The following ADAMTS17 variants were observed in gnomAD, a reference collection of about 807,000 sequenced individuals.
ADAMTS17 encodes the protein A disintegrin and metalloproteinase with thrombospondin motifs 17.
ADAMTS17 carries 113 observed loss-of-function variants against 141.5 expected under a neutral mutation model. The observed-to-expected ratio is 0.80, with a 90% CI of 0.69 to 0.93. ADAMTS17 has a LOEUF of 0.93. Among genes scored for constraint, ADAMTS17 ranks in the 40% least tolerant of loss-of-function variants. The pLI, the probability that ADAMTS17 is intolerant of heterozygous loss-of-function variation, is 0.00. For missense variants in ADAMTS17, 1,659 were observed against 1,517.9 expected (o/e 1.09, Z -1.54); for synonymous variants, 768 against 630.6 (o/e 1.22, Z -3.27).
Position 100,315,887 on chromosome 15 carries a change from C to T in ADAMTS17, c.616+15002G>A, listed in dbSNP as rs147292086. 1.2e-4 allele frequency among the ~76,000 whole-genome samples: 19 copies of T among 152,334 alleles called. No individual in the cohort carries two copies. In the East Asian group the frequency reaches 2.7e-3, roughly 22 times the overall value. On this transcript the variant is annotated intron_variant, in intron 3 of 21. Transcript: ENST00000268070. ...AGAAAGCAGGGACCACTGGAGGGAA[C>T]CACGGGGGCAGAGGGTGTCCCTCCA...
At chr15:100,334,557 C>A (rs927847695) in intron 2 of ADAMTS17, among the ~76,000 whole-genome samples, 2 of 151,974 alleles carry the variant, frequency 1.3e-5, no homozygotes, top group African/African-American at 2.4e-5. Context: ...GACTCTCCGG[C>A]GGGCACACAC....
chr15:100,199,180 G>T (rs977849268), intron 8 of ADAMTS17, 138 bp downstream of exon 8: 1 of 795,220 alleles, frequency 1.3e-6, no homozygotes, highest in Non-Finnish European at 2.2e-6. Context: ...GGACCCTAGT[G>T]TACTGACCTG....
chr15:100,151,021 C>A (rs941772053), intron 10 of ADAMTS17, among the ~76,000 whole-genome samples: 1 of 152,256 alleles, frequency 6.6e-6, no homozygotes, highest in Non-Finnish European at 1.5e-5. Context: ...ACTCAAGCCA[C>A]ACAGTGGCTG....
chr15:100,283,084 C>A (rs1165833425), intron 3 of ADAMTS17, among the ~76,000 whole-genome samples: 1 of 152,104 alleles, frequency 6.6e-6, no homozygotes, highest in Non-Finnish European at 1.5e-5. Flanking sequence ...TTGAGAAAAA[C>A]ACAGGCATCA....
chr15:99,990,560 C>A (rs2060670422), intron 20 of ADAMTS17, among the ~76,000 whole-genome samples: 1 of 151,726 alleles, frequency 6.6e-6, no homozygotes, highest in African/African-American at 2.4e-5. Flanking sequence ...TTCTCAAATT[C>A]ACTGTTAATC....
chr15:100,241,118 C>G (rs183964474), intron 7 of ADAMTS17, among the ~76,000 whole-genome samples: 4 of 151,708 alleles, frequency 2.6e-5, no homozygotes, highest in Admixed American at 2.6e-4. Context: ...GCCCCTACAC[C>G]TGGCCTATCT....
At chr15:100,058,100 T>C (rs1204621238) in intron 15 of ADAMTS17, among the ~76,000 whole-genome samples, 5 of 151,546 alleles carry the variant, frequency 3.3e-5, no homozygotes, top group African/African-American at 1.2e-4. Context: ...ACTCCACCCC[T>C]GCCTCAAACT....
chr15:100,144,437 C>T (rs1324583645), intron 10 of ADAMTS17, among the ~76,000 whole-genome samples: 1 of 152,066 alleles, frequency 6.6e-6, no homozygotes, highest in Non-Finnish European at 1.5e-5. Context: ...GTAATCCCAG[C>T]TTCTTGTGAG....
chr15:100,059,317 C>T (rs2141640767), intron 15 of ADAMTS17, among the ~76,000 whole-genome samples: 1 of 152,378 alleles, frequency 6.6e-6, no homozygotes, highest in East Asian at 1.9e-4. Context: ...TGGCGCACTG[C>T]AAATGCAGCT....
At chr15:100,333,564 C>T (rs1011698940) in intron 2 of ADAMTS17, among the ~76,000 whole-genome samples, 1 of 152,230 alleles carries the variant, frequency 6.6e-6, no homozygotes, top group Non-Finnish European at 1.5e-5. Flanking sequence ...AGACCCTGGA[C>T]ACCTACTGCC....
chr15:100,192,303 G>A (rs2040949512), intron 8 of ADAMTS17, among the ~76,000 whole-genome samples: 1 of 152,206 alleles, frequency 6.6e-6, no homozygotes, highest in South Asian at 2.1e-4. Flanking sequence ...TGCTAAGCAG[G>A]AACTGGGGAT....
In ADAMTS17 at chr15:100,062,364, G is replaced by A. The variant is rs557649583; in HGVS notation, c.2138-8310C>T. 1.1e-4 allele frequency among the ~76,000 whole-genome samples: 17 copies of A among 152,324 alleles called. No homozygotes were observed. The South Asian group carries it at 3.5e-3, about 32-fold the overall frequency. On this transcript the variant is annotated intron_variant, in intron 15 of 21. Coordinates refer to ENST00000268070, the MANE Select transcript of ADAMTS17 (RefSeq NM_139057.4). ...GACAGGGGGGGATCCACAGAGTGTG[G>A]TGCCAGTGATACCCCACGTGGGTGC...
At chr15:99,996,768 G>T (rs2060810683) in intron 19 of ADAMTS17, among the ~76,000 whole-genome samples, 1 of 151,606 alleles carries the variant, frequency 6.6e-6, no homozygotes, top group Admixed American at 6.6e-5. Flanking sequence ...CCTTTATTCA[G>T]CTATTTTTTT....
chr15:100,210,537 C>T (rs1857381302), intron 7 of ADAMTS17, among the ~76,000 whole-genome samples: 1 of 152,198 alleles, frequency 6.6e-6, no homozygotes, highest in Non-Finnish European at 1.5e-5. Context: ...GTCTTCAGGG[C>T]CACAGGTCCT....
intron 16 of ADAMTS17, among the ~76,000 whole-genome samples, chr15:100,052,730 C>A (rs1371911133): frequency 6.6e-6 from 1 of 152,196 alleles, no homozygotes; most frequent in Non-Finnish European, 1.5e-5. Context: ...ACAATCTTAT[C>A]CCAGATAAAT....
chr15:100,113,024 C>T (rs1357250117), intron 13 of ADAMTS17, among the ~76,000 whole-genome samples: 1 of 152,174 alleles, frequency 6.6e-6, no homozygotes, highest in Non-Finnish European at 1.5e-5. Context: ...CATCCAAGTT[C>T]TCCCTGGTCC....
chr15:100,245,839 C>G (rs1388178692), intron 7 of ADAMTS17, among the ~76,000 whole-genome samples: 1 of 152,178 alleles, frequency 6.6e-6, no homozygotes, highest in Non-Finnish European at 1.5e-5. Flanking sequence ...ACACACTGCA[C>G]ACTTCCATGG....
chr15:100,279,435 C>T (rs1426267113), intron 4 of ADAMTS17, among the ~76,000 whole-genome samples: 1 of 148,360 alleles, frequency 6.7e-6, no homozygotes. Flanking sequence ...ATAGGCATGT[C>T]ATCTCCCTAC....
intron 15 of ADAMTS17, among the ~76,000 whole-genome samples, chr15:100,073,003 T>C (rs2034091339): frequency 6.6e-6 from 1 of 152,172 alleles, no homozygotes; most frequent in Non-Finnish European, 1.5e-5. Flanking sequence ...GAGAAAATTT[T>C]TGTAATCTAC....
Sources: allele counts gnomAD v4.1 joint callset (sites outside exome capture counted in the v4.1 genomes callset), GRCh38; gene constraint gnomAD v4.1.1; transcripts MANE v1.5; gene names NCBI Gene and HGNC (gene_info 2026-07-23, HGNC 2026-07-21).